The following ADGRV1 variants were observed in gnomAD, a reference collection of about 807,000 sequenced individuals.
ADGRV1 encodes G-protein coupled receptor 98.
ADGRV1 carries 359 observed loss-of-function variants against 596.2 expected under a neutral mutation model. The ratio of observed to expected loss-of-function variants is 0.60; its 90% CI spans 0.55 to 0.66. ADGRV1 has a LOEUF of 0.66. ADGRV1 is among the 30% of genes least tolerant of loss of function. The probability of loss-of-function intolerance (pLI) is 0.00; values close to 1 mark genes in which losing one functional copy is unlikely to be tolerated. For synonymous variants in ADGRV1, 2,681 were observed against 2,679.2 expected (o/e 1.00, Z -0.02); for missense variants, 7,274 against 7,575.6 (o/e 0.96, Z 1.48).
At chr5:90,675,144 GC>G in intron 23 of ADGRV1, 98 bp from the exon 24 acceptor site, 2 of 926,456 alleles carry the variant, frequency 2.2e-6, no homozygotes, top group Non-Finnish European at 3.1e-6. Context: ...CAGAATTTTG[GC>G]CTGGTGATCA....
At chr5:90,773,232 T>A (rs1172150759) in intron 59 of ADGRV1, among the ~76,000 whole-genome samples, 1 of 151,542 alleles carries the variant, frequency 6.6e-6, no homozygotes, top group Admixed American at 6.6e-5. Context: ...ACAGTGTGCA[T>A]TGAAGGAAAA....
chr5:90,820,728 A>G (rs1210653351), intron 75 of ADGRV1, among the ~76,000 whole-genome samples: 8 of 151,296 alleles, frequency 5.3e-5, no homozygotes, highest in African/African-American at 1.9e-4. Context: ...TTCTTTAAGA[A>G]TGTTGAATAT....
At chr5:90,636,328 T>C (rs568449532) in intron 10 of ADGRV1, among the ~76,000 whole-genome samples, 1 of 152,298 alleles carries the variant, frequency 6.6e-6, no homozygotes, top group South Asian at 2.1e-4. Flanking sequence ...GAGAGCTGTT[T>C]TTGTTATCAA....
intron 83 of ADGRV1, among the ~76,000 whole-genome samples, chr5:90,964,859 C>CAAGAGAGGCCTCATTGTG (rs1206947775): frequency 6.6e-6 from 1 of 152,022 alleles, no homozygotes. Context: ...TTAGTGTGGT[C>CAAGAGAGGCCTCATTGTG]AAGAGAGGCC....
At chr5:90,707,993 A>G (rs937061675) in intron 38 of ADGRV1, among the ~76,000 whole-genome samples, 1 of 152,190 alleles carries the variant, frequency 6.6e-6, no homozygotes, top group Admixed American at 6.6e-5. Flanking sequence ...ATATTACATA[A>G]GACAATCTAG....
Position 90,644,724 on chromosome 5 carries a change from G to A in ADGRV1, c.2753G>A (p.Arg918Lys), listed in dbSNP as rs375071987. The change falls in exon 15 of 90, where the codon AGA (arginine) becomes AAA (lysine). Residue 918 changes from arginine to lysine, a missense_variant. Around this residue, in one of 5 missense-constraint regions of ADGRV1, gnomAD observed 1,715 missense variants for 1,708.8 expected, o/e 1.00. Transcript: ENST00000405460. ...AIYSAVYDVV[R>K]NRGNFGDVSV... ...TTCACAGCTGTTTATGATGTAGTAA[G>A]AAATCGAGGCAACTTTGGTGATGTT... 21 of 1,608,938 alleles carry A rather than the reference G, an allele frequency of 1.3e-5. No homozygotes were observed. In the African/African-American group the frequency reaches 2.5e-4, roughly 19 times the overall value.
At chr5:90,812,476 G>A (rs767908155) in intron 74 of ADGRV1, among the ~76,000 whole-genome samples, 3 of 152,096 alleles carry the variant, frequency 2.0e-5, no homozygotes, top group Non-Finnish European at 4.4e-5. Flanking sequence ...TTTTTTTATA[G>A]TGAGAATATT....
chr5:90,875,234 A>G (rs1459673105), intron 83 of ADGRV1, among the ~76,000 whole-genome samples: 1 of 152,222 alleles, frequency 6.6e-6, no homozygotes, highest in Non-Finnish European at 1.5e-5. Context: ...ATATTCTTAA[A>G]TGTAATCTGT....
At chr5:90,816,129 A>T (rs1253397280) in intron 75 of ADGRV1, among the ~76,000 whole-genome samples, 1 of 152,150 alleles carries the variant, frequency 6.6e-6, no homozygotes, top group Non-Finnish European at 1.5e-5. Flanking sequence ...CTTGGTATGC[A>T]CACATGCACA....
intron 65 of ADGRV1, 75 bp from the exon 66 acceptor site, chr5:90,783,049 A>G: frequency 8.6e-7 from 1 of 1,168,014 alleles, no homozygotes; most frequent in Non-Finnish European, 1.3e-6. Context: ...TTTAATTGCC[A>G]GGTTTAATTT....
chr5:90,681,192 A>G (rs1459934383), intron 26 of ADGRV1, 123 bp from the exon 27 acceptor site: 3 of 1,037,206 alleles, frequency 2.9e-6, no homozygotes, highest in Non-Finnish European at 4.1e-6. Context: ...TTCTAAAACA[A>G]ATTAGAATGT....
chr5:90,663,672 C>A (rs972805709), intron 21 of ADGRV1, among the ~76,000 whole-genome samples: 1 of 152,196 alleles, frequency 6.6e-6, no homozygotes, highest in African/African-American at 2.4e-5. Context: ...GTGTTTTAGA[C>A]ATGAAGTCCT....
chr5:91,087,704 C>T (rs555649276), intron 86 of ADGRV1, among the ~76,000 whole-genome samples: 32 of 152,290 alleles, frequency 2.1e-4, no homozygotes, highest in African/African-American at 7.0e-4. Flanking sequence ...TGGAACTGTT[C>T]GAAGTGTTCC....
At chr5:91,078,010 G>T (rs1788998330) in intron 86 of ADGRV1, among the ~76,000 whole-genome samples, 1 of 151,992 alleles carries the variant, frequency 6.6e-6, no homozygotes, top group Non-Finnish European at 1.5e-5. Context: ...CCCACACATA[G>T]GTTTCAATAT....
At chr5:91,139,094 C>A (rs1180631884) in intron 87 of ADGRV1, among the ~76,000 whole-genome samples, 1 of 152,148 alleles carries the variant, frequency 6.6e-6, no homozygotes, top group Non-Finnish European at 1.5e-5. Context: ...CTTATCTCTT[C>A]AGGGCATAGT....
intron 72 of ADGRV1, among the ~76,000 whole-genome samples, chr5:90,806,390 T>C (rs1581181918): frequency 6.6e-6 from 1 of 152,342 alleles, no homozygotes; most frequent in East Asian, 1.9e-4. Flanking sequence ...AGACATTGTC[T>C]CCTCTTGTTT....
At chr5:90,678,785 G>T (rs1305652669) in intron 25 of ADGRV1, among the ~76,000 whole-genome samples, 1 of 151,728 alleles carries the variant, frequency 6.6e-6, no homozygotes, top group African/African-American at 2.4e-5. Context: ...GAGGTGTCAT[G>T]ACCTGATCAC....
At chr5:90,767,580 A>C (rs1266920882) in intron 59 of ADGRV1, among the ~76,000 whole-genome samples, 1 of 152,214 alleles carries the variant, frequency 6.6e-6, no homozygotes, top group Non-Finnish European at 1.5e-5. Flanking sequence ...CACTTTTGAA[A>C]ATGAATGGAG....
intron 17 of ADGRV1, 107 bp downstream of exon 17, chr5:90,647,871 G>A: frequency 1.0e-6 from 1 of 970,568 alleles, no homozygotes; most frequent in Non-Finnish European, 1.5e-6. Context: ...AACTACATTT[G>A]TACTATTCAA....
Sources: allele counts gnomAD v4.1 joint callset (sites outside exome capture counted in the v4.1 genomes callset), GRCh38; gene constraint gnomAD v4.1.1; regional missense constraint gnomAD v4.1.1; transcripts MANE v1.5; gene names NCBI Gene and HGNC (gene_info 2026-07-23, HGNC 2026-07-21).